The following TNNI3K variants were observed in gnomAD, a reference collection of about 807,000 sequenced individuals.
The protein encoded by TNNI3K is TNNI3 interacting kinase.
A neutral mutation model predicts 114.5 loss-of-function variants in TNNI3K; 140 were observed. The observed-to-expected ratio is 1.22, with a 90% confidence interval of 1.07 to 1.41. The LOEUF (loss-of-function observed/expected upper bound fraction) is 1.41. TNNI3K is among the 40% of genes most tolerant of loss of function. The pLI, the probability that TNNI3K is intolerant of heterozygous loss-of-function variation, is 0.00. For missense variants in TNNI3K, 1,125 were observed against 1,007.6 expected (o/e 1.12, Z -1.58); for synonymous variants, 347 against 347.5 (o/e 1.00, Z 0.02).
At chr1:74,464,783 A>G (rs1436390992) in intron 21 of TNNI3K, 8 of 1,534,960 alleles carry the variant, frequency 5.2e-6, no homozygotes, top group Non-Finnish European at 7.0e-6. Flanking sequence ...TTACATGTTT[A>G]TTTGTTTAGA....
chr1:74,324,862 C>T (rs1659815213), intron 5 of TNNI3K, among the ~76,000 whole-genome samples: 1 of 152,122 alleles, frequency 6.6e-6, no homozygotes, highest in Admixed American at 6.5e-5. Flanking sequence ...ATCACTGCTG[C>T]TTATCTGCTG....
intron 2 of TNNI3K, chr1:74,239,969 G>T (rs1376950889): frequency 6.4e-6 from 3 of 470,172 alleles, no homozygotes; most frequent in African/African-American, 4.0e-5. Context: ...ATGGATTGGT[G>T]ACAGGAAGAA....
chr1:74,492,368 CT>C (rs1570695728), intron 23 of TNNI3K, 102 bp downstream of exon 23: 1 of 1,311,162 alleles, frequency 7.6e-7, no homozygotes, highest in East Asian at 2.7e-5. Context: ...TGATTACCCC[CT>C]GAAAAACTTT....
intron 24 of TNNI3K, among the ~76,000 whole-genome samples, chr1:74,542,713 G>A (rs1346277418): frequency 6.6e-6 from 1 of 152,192 alleles, no homozygotes; most frequent in African/African-American, 2.4e-5. Flanking sequence ...TGACTGGGTT[G>A]GTTATGAAAA....
intron 5 of TNNI3K, among the ~76,000 whole-genome samples, chr1:74,303,190 T>C (rs1658428673): frequency 6.6e-6 from 1 of 152,072 alleles, no homozygotes; most frequent in South Asian, 2.1e-4. Flanking sequence ...TACTGAATTA[T>C]TATTATTATT....
At chr1:74,436,054 A>C (rs1570616646) in intron 17 of TNNI3K, 26 bp from the exon 18 acceptor site, 1 of 1,220,960 alleles carries the variant, frequency 8.2e-7, no homozygotes, top group South Asian at 1.4e-5. Flanking sequence ...CTCAATGTCT[A>C]CTTTTTTTTT....
At chr1:74,504,385 C>CTA (rs1284249215) in intron 23 of TNNI3K, among the ~76,000 whole-genome samples, 15 of 152,266 alleles carry the variant, frequency 9.9e-5, no homozygotes, top group African/African-American at 3.6e-4. Flanking sequence ...GAATGCTGTA[C>CTA]TAAGGATAGA....
At chr1:74,328,001 T>G (rs1002748454) in intron 5 of TNNI3K, among the ~76,000 whole-genome samples, 1 of 151,964 alleles carries the variant, frequency 6.6e-6, no homozygotes, top group Non-Finnish European at 1.5e-5. Context: ...TAACAGGTCT[T>G]GGAATATAGC....
At chr1:74,463,353 T>C in intron 20 of TNNI3K, 88 bp from the exon 21 acceptor site, 2 of 1,420,366 alleles carry the variant, frequency 1.4e-6, no homozygotes, top group Non-Finnish European at 2.0e-6. Flanking sequence ...AGATTGATTT[T>C]TAATGCCTTT....
chr1:74,433,653 A>C (rs1422595308), intron 17 of TNNI3K, among the ~76,000 whole-genome samples: 1 of 152,090 alleles, frequency 6.6e-6, no homozygotes, highest in Non-Finnish European at 1.5e-5. Context: ...CTGTGTTCCT[A>C]AACTGTCACT....
intron 23 of TNNI3K, among the ~76,000 whole-genome samples, chr1:74,516,418 C>G (rs977600133): frequency 6.6e-6 from 1 of 152,128 alleles, no homozygotes; most frequent in South Asian, 2.1e-4. Context: ...AAGGCAATAT[C>G]AAATCCGTAC....
At chr1:74,397,787 A>G (rs577057223) in intron 17 of TNNI3K, among the ~76,000 whole-genome samples, 1 of 152,332 alleles carries the variant, frequency 6.6e-6, no homozygotes, top group East Asian at 1.9e-4. Flanking sequence ...CACAATGGCT[A>G]TGCTGTCATT....
chr1:74,421,540 CTA>C (rs1197189252), intron 17 of TNNI3K, among the ~76,000 whole-genome samples: 1 of 152,064 alleles, frequency 6.6e-6, no homozygotes, highest in Non-Finnish European at 1.5e-5. Context: ...GTGGTAAAGT[CTA>C]AATCTTTTTT....
intron 23 of TNNI3K, among the ~76,000 whole-genome samples, chr1:74,521,077 G>A (rs1445210697): frequency 1.3e-5 from 2 of 152,118 alleles, no homozygotes; most frequent in Non-Finnish European, 2.9e-5. Context: ...TCTCCTTTGG[G>A]CAACAGCTTC....
intron 23 of TNNI3K, among the ~76,000 whole-genome samples, chr1:74,537,156 T>C (rs1570756440): frequency 6.6e-6 from 1 of 152,342 alleles, no homozygotes; most frequent in East Asian, 1.9e-4. Context: ...TATGAGCTTT[T>C]ATTCAGAAGA....
intron 20 of TNNI3K, among the ~76,000 whole-genome samples, chr1:74,448,260 TAAAAAAA>T (rs71588834): frequency 5.6e-5 from 5 of 89,138 alleles, no homozygotes; most frequent in Admixed American, 1.3e-4. Context: ...TAGAGTATAA[TAAAAAAA>T]AAAAAAAAAA....
At chr1:74,466,317 A>G (rs1371048960) in intron 21 of TNNI3K, among the ~76,000 whole-genome samples, 3 of 152,210 alleles carry the variant, frequency 2.0e-5, no homozygotes, top group African/African-American at 4.8e-5. Context: ...GTCTCTTCAT[A>G]ATTATAGATA....
Position 74,436,527 on chromosome 1 carries a change from GT to G in TNNI3K, c.1878+4del. 6.3e-7 allele frequency: 1 copy of G among 1,583,120 alleles called. No individual in the cohort carries two copies. The highest frequency in any genetic ancestry group is 8.5e-7 in the Non-Finnish European group (1 of 1,171,552). On this transcript the variant is annotated splice_donor_variant, in intron 19 of 24. Coordinates refer to ENST00000326637, the MANE Select transcript of TNNI3K (RefSeq NM_015978.3). LOFTEE classifies it high-confidence loss of function. The stretch of plus-strand genomic sequence containing the variant: ...AGACAACATGACAAAACAACCTGGG[GT>G]TTGCTGCTGCTTGTGTTTCCTATAA...
At chr1:74,363,610 T>C (rs3906239) in intron 11 of TNNI3K, among the ~76,000 whole-genome samples, 151,416 of 152,006 alleles carry the variant, frequency 1, 75,418 homozygotes, top group Middle Eastern at 1. Flanking sequence ...TTCTGCTTCA[T>C]TGGGGAAAGC....
Sources: allele counts gnomAD v4.1 joint callset (sites outside exome capture counted in the v4.1 genomes callset), GRCh38; gene constraint gnomAD v4.1.1; transcripts MANE v1.5; gene names NCBI Gene and HGNC (gene_info 2026-07-23, HGNC 2026-07-21).